The following PARM1 variants were observed in gnomAD, a reference collection of about 807,000 sequenced individuals.
PARM1 encodes prostate androgen-regulated mucin-like protein 1.
PARM1 carries 14 observed loss-of-function variants against 24.6 expected under a neutral mutation model. That is an observed-to-expected ratio of 0.57 (90% confidence interval 0.38 to 0.89). The LOEUF (loss-of-function observed/expected upper bound fraction) is 0.89, where lower values mean the gene tolerates loss of function less well. PARM1 is among the 40% of genes least tolerant of loss of function. The pLI is 0.00. For missense variants in PARM1, 362 were observed against 380.4 expected (o/e 0.95, Z 0.40); for synonymous variants, 179 against 156.6 (o/e 1.14, Z -1.07).
chr4:74,992,378 G>A (rs763760506), intron 1 of PARM1, among the ~76,000 whole-genome samples: 3 of 152,134 alleles, frequency 2.0e-5, no homozygotes, highest in Non-Finnish European at 4.4e-5. Flanking sequence ...AACTTCTAGA[G>A]GCTTAGTACA....
chr4:74,970,962 T>G (rs1722021553), intron 1 of PARM1, among the ~76,000 whole-genome samples: 1 of 152,144 alleles, frequency 6.6e-6, no homozygotes, highest in African/African-American at 2.4e-5. Context: ...GGATTTTAGG[T>G]TTCTCATTGG....
chr4:74,969,584 G>A (rs1721981462), intron 1 of PARM1: 2 of 152,336 alleles, frequency 1.3e-5, no homozygotes, highest in South Asian at 4.1e-4. Context: ...TGTGAAAACA[G>A]TCAGTGTTGC....
At chr4:75,008,879 A>G (rs1308758064) in intron 1 of PARM1, among the ~76,000 whole-genome samples, 1 of 151,454 alleles carries the variant, frequency 6.6e-6, no homozygotes. Context: ...CTCTACCTCC[A>G]TCTGCCTATC....
At chr4:75,006,574 G>C (rs1417303571) in intron 1 of PARM1, among the ~76,000 whole-genome samples, 1 of 152,006 alleles carries the variant, frequency 6.6e-6, no homozygotes, top group African/African-American at 2.4e-5. Context: ...CCAAGTCTTT[G>C]CTATTGTGAA....
At chr4:75,016,467 T>G (rs569788625) in intron 2 of PARM1, among the ~76,000 whole-genome samples, 1 of 152,312 alleles carries the variant, frequency 6.6e-6, no homozygotes, top group Non-Finnish European at 1.5e-5. Context: ...CGTGGGTATA[T>G]TGCGTGATGC....
At chr4:74,990,528 G>A (rs1722446896) in intron 1 of PARM1, among the ~76,000 whole-genome samples, 1 of 152,136 alleles carries the variant, frequency 6.6e-6, no homozygotes, top group Admixed American at 6.6e-5. Context: ...ACCAGAAACA[G>A]CAAATGGACT....
chr4:75,011,491 G>A (rs1054917498), intron 1 of PARM1, among the ~76,000 whole-genome samples: 28 of 152,106 alleles, frequency 1.8e-4, no homozygotes, highest in Admixed American at 1.0e-3. Flanking sequence ...AAGGGGGTAT[G>A]GGGAGGCAAT....
chr4:74,950,639 A>C (rs539261196), intron 1 of PARM1, among the ~76,000 whole-genome samples: 1 of 152,150 alleles, frequency 6.6e-6, no homozygotes, highest in Non-Finnish European at 1.5e-5. Context: ...TCACATCTCA[A>C]TCATGTTCAT....
intron 2 of PARM1, among the ~76,000 whole-genome samples, chr4:75,027,434 A>G (rs1489453958): frequency 6.6e-6 from 1 of 152,122 alleles, no homozygotes; most frequent in South Asian, 2.1e-4. Context: ...AAATCCAAGC[A>G]GACAAGGCCA....
At position 75,008,111 on chromosome 4, in the gene PARM1, C is replaced by T. The variant is rs951203500; in HGVS notation, c.44-4314C>T. On this transcript the variant is annotated intron_variant, in intron 1 of 3. Transcript: ENST00000307428. ...TGGCTATCTTTGTATTGGAAATAGA[C>T]CTACCCCAGGAGTCAGTGCATTATG... 6.6e-5 allele frequency among the ~76,000 whole-genome samples: 10 copies of T among 152,182 alleles called. No homozygotes were observed. The East Asian group carries it at 1.7e-3, about 26-fold the overall frequency.
Position 75,000,563 on chromosome 4 carries a change from G to A in PARM1, c.44-11862G>A, listed in dbSNP as rs562689370. On this transcript the variant is annotated intron_variant, in intron 1 of 3. Coordinates refer to ENST00000307428, the MANE Select transcript of PARM1 (RefSeq NM_015393.4). ...GGACAGGAAGGAGGAGGAAAGAATAGTCACCAAGAGAGTTCCCTTTCTTAT... is the reference window on the plus strand; with the variant it reads ...GGACAGGAAGGAGGAGGAAAGAATAATCACCAAGAGAGTTCCCTTTCTTAT... 7.2e-5 allele frequency among the ~76,000 whole-genome samples: 11 copies of A among 152,296 alleles called. No homozygotes were observed. The East Asian group carries it at 1.9e-3, about 27-fold the overall frequency.
chr4:75,024,429 C>G (rs972752284), intron 2 of PARM1, among the ~76,000 whole-genome samples: 1 of 152,190 alleles, frequency 6.6e-6, no homozygotes, highest in Non-Finnish European at 1.5e-5. Flanking sequence ...GAAACTATGA[C>G]TCTCTGTTCC....
chr4:75,037,213 A>G (rs972404043), intron 3 of PARM1, among the ~76,000 whole-genome samples: 1 of 152,198 alleles, frequency 6.6e-6, no homozygotes, highest in Non-Finnish European at 1.5e-5. Flanking sequence ...TAAAAACAAT[A>G]ACATAACAAA....
chr4:75,014,117 G>A (rs1722932733), intron 2 of PARM1, among the ~76,000 whole-genome samples: 1 of 152,204 alleles, frequency 6.6e-6, no homozygotes. Flanking sequence ...TGCATGGTCA[G>A]TTGGGGTCAA....
chr4:75,042,987 T>C (rs1192637513), intron 3 of PARM1, among the ~76,000 whole-genome samples: 4 of 152,122 alleles, frequency 2.6e-5, no homozygotes, highest in Non-Finnish European at 5.9e-5. Flanking sequence ...CTTTTTCCTT[T>C]ATTTTACTAG....
chr4:75,029,456 CT>C (rs1337849609), intron 2 of PARM1, among the ~76,000 whole-genome samples: 1 of 152,092 alleles, frequency 6.6e-6, no homozygotes, highest in African/African-American at 2.4e-5. Flanking sequence ...CCATGCTGTT[CT>C]CGTGATAGTG....
chr4:74,984,166 T>A (rs1423883076), intron 1 of PARM1, among the ~76,000 whole-genome samples: 1 of 152,178 alleles, frequency 6.6e-6, no homozygotes, highest in Non-Finnish European at 1.5e-5. Flanking sequence ...CATTCTACAG[T>A]CACCTGGAAT....
chr4:74,968,462 C>T (rs1721954347), intron 1 of PARM1, among the ~76,000 whole-genome samples: 1 of 152,184 alleles, frequency 6.6e-6, no homozygotes, highest in Non-Finnish European at 1.5e-5. Context: ...TTCCTGAATT[C>T]TATACCATTT....
chr4:74,986,215 T>TAA (rs957579974), intron 1 of PARM1, among the ~76,000 whole-genome samples: 3 of 151,492 alleles, frequency 2.0e-5, no homozygotes, highest in African/African-American at 7.3e-5. Flanking sequence ...CTTTCCTGAT[T>TAA]AAAAAAAAAT....
Sources: allele counts gnomAD v4.1 joint callset (sites outside exome capture counted in the v4.1 genomes callset), GRCh38; gene constraint gnomAD v4.1.1; transcripts MANE v1.5; gene names NCBI Gene and HGNC (gene_info 2026-07-23, HGNC 2026-07-21).